The following NRG3 variants were observed in gnomAD, a reference collection of about 807,000 sequenced individuals.
The protein encoded by NRG3 is pro-neuregulin-3, membrane-bound isoform.
In NRG3, 31 loss-of-function variants were observed where a neutral mutation model predicts 66.9. That is an observed-to-expected ratio of 0.46 (90% CI 0.35 to 0.63). The LOEUF (loss-of-function observed/expected upper bound fraction) is 0.63, where lower values mean the gene tolerates loss of function less well. Among genes scored for constraint, NRG3 ranks in the 20% least tolerant of loss-of-function variants. The pLI, the probability that NRG3 is intolerant of heterozygous loss-of-function variation, is 0.00. For missense variants in NRG3, 910 were observed against 878.9 expected, an observed-to-expected ratio of 1.04 and a Z score of -0.45; for synonymous variants, 393 against 359.4, an observed-to-expected ratio of 1.09 and a Z score of -1.06.
At chr10:82,798,201 T>C (rs1220612084) in intron 3 of NRG3, among the ~76,000 whole-genome samples, 5 of 152,108 alleles carry the variant, frequency 3.3e-5, no homozygotes, top group Admixed American at 3.3e-4. Context: ...TGACCAAATA[T>C]ACACAGTAAG....
At chr10:82,530,110 C>T (rs780533625) in intron 2 of NRG3, among the ~76,000 whole-genome samples, 3 of 152,030 alleles carry the variant, frequency 2.0e-5, no homozygotes, top group Non-Finnish European at 2.9e-5. Flanking sequence ...GTAATTTCAA[C>T]GCTACAAGAA....
intron 1 of NRG3, among the ~76,000 whole-genome samples, chr10:82,054,666 C>A (rs1365637611): frequency 6.6e-6 from 1 of 151,884 alleles, no homozygotes; most frequent in Non-Finnish European, 1.5e-5. Flanking sequence ...TGGGGAGGAA[C>A]CAGCAAAGGG....
intron 3 of NRG3, among the ~76,000 whole-genome samples, chr10:82,820,570 C>A (rs2061907684): frequency 6.6e-6 from 1 of 152,132 alleles, no homozygotes; most frequent in Admixed American, 6.5e-5. Context: ...TAAATGCAGC[C>A]CTCAACTTTT....
At chr10:82,924,198 A>G (rs544195900) in intron 4 of NRG3, among the ~76,000 whole-genome samples, 19 of 151,954 alleles carry the variant, frequency 1.3e-4, no homozygotes, top group Non-Finnish European at 2.6e-4. Flanking sequence ...ATGTCAAGGC[A>G]GGGACCTAGG....
At chr10:82,230,802 G>A (rs1337386806) in intron 1 of NRG3, among the ~76,000 whole-genome samples, 1 of 152,074 alleles carries the variant, frequency 6.6e-6, no homozygotes, top group Non-Finnish European at 1.5e-5. Context: ...TGGAAGAGAA[G>A]GTGAGAGGTG....
intron 1 of NRG3, among the ~76,000 whole-genome samples, chr10:81,982,362 A>G (rs1021056949): frequency 1.3e-5 from 2 of 152,210 alleles, no homozygotes; most frequent in Non-Finnish European, 2.9e-5. Context: ...TTTTACAGAA[A>G]GTTTGTTCAA....
chr10:82,876,397 C>T (rs1372625314), intron 4 of NRG3, among the ~76,000 whole-genome samples: 1 of 152,078 alleles, frequency 6.6e-6, no homozygotes, highest in Non-Finnish European at 1.5e-5. Context: ...GGATCAAGAC[C>T]AGCCATGAGC....
chr10:82,633,858 C>T (rs2050006720), intron 2 of NRG3, among the ~76,000 whole-genome samples: 1 of 151,944 alleles, frequency 6.6e-6, no homozygotes, highest in Non-Finnish European at 1.5e-5. Flanking sequence ...TTTTTTTGTC[C>T]ACAGAAAAGC....
chr10:82,243,762 TA>T (rs1169806503), intron 1 of NRG3, among the ~76,000 whole-genome samples: 1 of 152,222 alleles, frequency 6.6e-6, no homozygotes, highest in Non-Finnish European at 1.5e-5. Flanking sequence ...ACAAAGTTTT[TA>T]ACCTGGAGGA....
chr10:82,966,252 G>A (rs542805643), intron 6 of NRG3, among the ~76,000 whole-genome samples: 3 of 152,174 alleles, frequency 2.0e-5, no homozygotes, highest in African/African-American at 4.8e-5. Flanking sequence ...CCCAGGTACC[G>A]CATTACATCT....
intron 2 of NRG3, among the ~76,000 whole-genome samples, chr10:82,481,967 G>A (rs899641105): frequency 6.6e-6 from 1 of 152,122 alleles, no homozygotes; most frequent in Non-Finnish European, 1.5e-5. Context: ...AGGCTGGGCA[G>A]TAGAGTGAGA....
Position 82,002,873 on chromosome 10 carries a change from A to G in NRG3, c.823+126710A>G, listed in dbSNP as rs73308688. 4.7e-3 allele frequency among the ~76,000 whole-genome samples: 714 copies of G among 152,264 alleles called. 6 individuals are homozygous for G. Among genetic ancestry groups the G allele is most frequent in the African/African-American group, 0.016 (675 of 41,562 alleles). ...TTGTTCATTCTTTTAAAAAAAATTG[A>G]GTGCTAAGTGCCAGGCATTATGAAT... On this transcript the variant is annotated intron_variant, in intron 1 of 8. Transcript: ENST00000372141.
At chr10:82,796,827 A>T (rs2135408541) in intron 3 of NRG3, among the ~76,000 whole-genome samples, 1 of 152,194 alleles carries the variant, frequency 6.6e-6, no homozygotes, top group African/African-American at 2.4e-5. Flanking sequence ...GTAAAAATAA[A>T]TCTTGGTCAA....
chr10:82,244,237 GT>G lies in NRG3; in HGVS notation c.824-114498del, dbSNP rs1373577085. Among the ~76,000 whole-genome samples, 4 of 152,114 alleles carry G rather than the reference GT, an allele frequency of 2.6e-5. No individual in the cohort carries two copies. The South Asian group carries it at 6.2e-4, about 24-fold the overall frequency. ...ACTGGCAGGGAACCTAATTATGGCTGTTTTATCTGAAGCTCAGATAATTTCA... is the reference window on the plus strand; with the variant it reads ...ACTGGCAGGGAACCTAATTATGGCTGTTTATCTGAAGCTCAGATAATTTCA... On this transcript the variant is annotated intron_variant, in intron 1 of 8. Transcript: ENST00000372141.
intron 2 of NRG3, among the ~76,000 whole-genome samples, chr10:82,593,200 A>G (rs549164139): frequency 6.6e-6 from 1 of 152,278 alleles, no homozygotes; most frequent in East Asian, 1.9e-4. Flanking sequence ...TTGTAAGAGT[A>G]GTGACCCAAG....
chr10:82,408,632 ATT>A (rs1564889121), intron 2 of NRG3, among the ~76,000 whole-genome samples: 2 of 129,382 alleles, frequency 1.5e-5, no homozygotes, highest in African/African-American at 7.3e-5. Flanking sequence ...TCATATATAT[ATT>A]ATATATATAT....
At chr10:82,966,466 A>G (rs966985843) in intron 6 of NRG3, among the ~76,000 whole-genome samples, 31 of 152,322 alleles carry the variant, frequency 2.0e-4, no homozygotes, top group Admixed American at 6.5e-4. Context: ...ATTATGTCAT[A>G]TCAAGATACA....
At chr10:82,765,777 G>A (rs540241591) in intron 3 of NRG3, among the ~76,000 whole-genome samples, 1 of 152,104 alleles carries the variant, frequency 6.6e-6, no homozygotes, top group South Asian at 2.1e-4. Context: ...CTTGTAATGT[G>A]TAGCAAGGTT....
chr10:82,439,691 C>G lies in NRG3; in HGVS notation c.953+80823C>G, dbSNP rs576170341. ...ATGGGAAGTCCTGATTTCTATTTTA[C>G]TTTTTAAAATTAATTAATTAATTAG... On this transcript the variant is annotated intron_variant, in intron 2 of 8. Transcript: ENST00000372141. Among the ~76,000 whole-genome samples the G allele has an allele frequency of 7.2e-5, 11 of 151,870 alleles. No homozygotes were observed. The South Asian group carries it at 2.3e-3, about 31-fold the overall frequency.
Sources: gnomAD v4.1 joint callset for allele counts (sites outside exome capture counted in the v4.1 genomes callset) on GRCh38, gnomAD v4.1.1 for gene constraint, MANE v1.5 for transcripts, NCBI Gene and HGNC (gene_info 2026-07-23, HGNC 2026-07-21) for gene names.